The following STYX variants were observed in gnomAD, a reference collection of about 807,000 sequenced individuals.
STYX encodes serine/threonine/tyrosine interacting protein.
STYX carries 20 observed loss-of-function variants against 42.7 expected under a neutral mutation model. The observed-to-expected ratio is 0.47, with a 90% confidence interval of 0.33 to 0.68. The LOEUF is 0.68. Among genes scored for constraint, STYX ranks in the 30% least tolerant of loss-of-function variants. The pLI is 0.02. For missense variants in STYX, 226 were observed against 268.5 expected (o/e 0.84, Z 1.11); for synonymous variants, 78 against 81.9 (o/e 0.95, Z 0.26).
chr14:52,733,448 G>C (rs1210614358), intron 1 of STYX, among the ~76,000 whole-genome samples: 1 of 152,034 alleles, frequency 6.6e-6, no homozygotes, highest in Non-Finnish European at 1.5e-5. Flanking sequence ...TGTACCTGAA[G>C]TTAGTCAGAT....
chr14:52,757,378 A>T, intron 6 of STYX, 23 bp downstream of exon 6: 1 of 1,577,556 alleles, frequency 6.3e-7, no homozygotes, highest in Non-Finnish European at 8.7e-7. Flanking sequence ...TCCTTTCCTT[A>T]ACTAATGTTT....
At chr14:52,765,374 C>T (rs1231361339) in intron 9 of STYX, among the ~76,000 whole-genome samples, 2 of 152,156 alleles carry the variant, frequency 1.3e-5, no homozygotes, top group Non-Finnish European at 2.9e-5. Context: ...CATGCCACCA[C>T]ACCCAGCTAA....
At chr14:52,769,808 G>A (rs1882445803) in intron 10 of STYX, among the ~76,000 whole-genome samples, 1 of 151,874 alleles carries the variant, frequency 6.6e-6, no homozygotes, top group Admixed American at 6.6e-5. Context: ...TATTTGGTCT[G>A]TTCTGTACAT....
chr14:52,748,354 A>G (rs371005863), intron 3 of STYX, among the ~76,000 whole-genome samples: 1 of 152,186 alleles, frequency 6.6e-6, no homozygotes, highest in African/African-American at 2.4e-5. Flanking sequence ...TTAGTCTCCC[A>G]AGTAGCCAGG....
chr14:52,763,726 G>A (rs1882188710), intron 9 of STYX, among the ~76,000 whole-genome samples: 1 of 151,828 alleles, frequency 6.6e-6, no homozygotes, highest in Non-Finnish European at 1.5e-5. Context: ...TTTTCTTTGT[G>A]GTTTAATATG....
intron 9 of STYX, among the ~76,000 whole-genome samples, chr14:52,761,328 CAAAA>C (rs55985975): frequency 9.4e-6 from 1 of 106,642 alleles, no homozygotes. Flanking sequence ...AACTCCGTGT[CAAAA>C]AAAAAAAAAA....
intron 1 of STYX, among the ~76,000 whole-genome samples, chr14:52,738,987 G>A (rs535002742): frequency 5.1e-5 from 6 of 118,396 alleles, no homozygotes; most frequent in African/African-American, 2.0e-4. Context: ...TTTTTTTTTT[G>A]TATACACGTT....
chr14:52,736,558 C>G (rs1880959666), intron 1 of STYX, among the ~76,000 whole-genome samples: 1 of 152,190 alleles, frequency 6.6e-6, no homozygotes. Flanking sequence ...TAGCAACTTT[C>G]CATGTTTCCC....
Position 52,771,104 on chromosome 14 carries a change from T to C in STYX, c.670T>C (p.Ter224ArgextTer9), listed in dbSNP as rs1489231867. The C allele has an allele frequency of 2.5e-6, 4 of 1,608,842 alleles. No homozygotes were observed. In the East Asian group the frequency reaches 6.7e-5, roughly 27 times the overall value. ...GCAAGTGGCGACTGCACAGAATGGC[T>C]GACTTGAAGAGCAACATCATAGAGT... The part of the protein sequence containing the change: ...TMQVATAQNG[*>R] Residue 224 changes from the stop codon to arginine, a stop_lost, in exon 11 of 11, where the codon TGA becomes CGA. Transcript: ENST00000354586.
chr14:52,747,421 T>A (rs1881434181), intron 3 of STYX, among the ~76,000 whole-genome samples: 1 of 152,220 alleles, frequency 6.6e-6, no homozygotes, highest in Admixed American at 6.5e-5. Context: ...ATTTTGAAAC[T>A]GGAAGATTTT....
chr14:52,743,448 G>A (rs1176362719), intron 1 of STYX, among the ~76,000 whole-genome samples: 2 of 151,980 alleles, frequency 1.3e-5, no homozygotes, highest in African/African-American at 4.8e-5. Context: ...TGGCGTGGTG[G>A]TGGGTGCCTG....
At chr14:52,736,516 CAGAA>C (rs555327131) in intron 1 of STYX, among the ~76,000 whole-genome samples, 111 of 152,322 alleles carry the variant, frequency 7.3e-4, no homozygotes, top group Non-Finnish European at 9.3e-4. Context: ...TCTCTTCTGA[CAGAA>C]AGTGAAATAT....
rs939673282 is a variant in STYX at position 52,772,344 on chromosome 14, A to T, written c.*1238A>T. The T allele has an allele frequency of 6.6e-6, 1 of 152,220 alleles. No homozygotes were observed. Among genetic ancestry groups the T allele is most frequent in the Non-Finnish European group, 1.5e-5 (1 of 67,990 alleles). 9.4% of individuals were successfully genotyped at this position (152,220 alleles called of 1,614,324 possible). A position where few individuals can be genotyped will look rare whatever the true frequency, so the allele number is the denominator to read the frequency against. The stretch of plus-strand genomic sequence containing the variant: ...TAGTGTATTTTAAATTAGCATTTTA[A>T]TCCATTCTTGACATTCAGTTAGTCC... On this transcript the variant is annotated 3_prime_UTR_variant, in exon 11 of 11. Coordinates refer to ENST00000354586, the MANE Select transcript of STYX (RefSeq NM_145251.4).
chr14:52,769,398 CT>C (rs562329272), intron 10 of STYX, among the ~76,000 whole-genome samples: 156 of 152,114 alleles, frequency 1.0e-3, no homozygotes, highest in Non-Finnish European at 1.8e-3. Context: ...CTTTGTTTCT[CT>C]CCCAACAAAG....
rs763775499 is a variant in STYX at position 52,757,759 on chromosome 14, T to C, written c.357T>C (p.His119=). The C allele has an allele frequency of 1.2e-5, 19 of 1,613,432 alleles. No homozygotes were observed. Among genetic ancestry groups the C allele is most frequent in the African/African-American group, 2.7e-5 (2 of 74,922 alleles). The change falls in exon 7 of 11, where the codon CAT becomes CAC. Residue 119 remains histidine, a synonymous_variant. Transcript: ENST00000354586. ...GTTTTTCAGGAAAAGTTCTTGTGCA[T>C]GGAAATGCAGGGATCTCCAGAAGGT... ...SLQMGGKVLV[H]GNAGISRSAA...
Position 52,746,437 on chromosome 14 carries a change from T to C in STYX, c.102T>C (p.Pro34=), listed in dbSNP as rs139939150. 4.7e-5 allele frequency: 74 copies of C among 1,558,348 alleles called. No homozygotes were observed. The African/African-American group carries it at 6.3e-4, about 13-fold the overall frequency. The change falls in exon 3 of 11, where the codon CCT becomes CCC. Residue 34 remains proline, a synonymous_variant. Coordinates refer to ENST00000354586, the MANE Select transcript of STYX (RefSeq NM_145251.4). The part of the protein sequence containing the change: ...PMRREMQEIL[P]GLFLGPYSSA... ...TTTTTTTTTTCTAGGAAATTTTACC[T>C]GGATTGTTCTTAGGCCCATATTCAT...
At chr14:52,750,806 A>C (rs1248633959) in intron 4 of STYX, 26 bp downstream of exon 4, 1 of 1,430,952 alleles carries the variant, frequency 7.0e-7, no homozygotes, top group South Asian at 1.3e-5. Context: ...ATGATTTGTA[A>C]AACACTTAAT....
intron 8 of STYX, among the ~76,000 whole-genome samples, chr14:52,759,260 C>T (rs750955835): frequency 6.6e-6 from 1 of 152,164 alleles, no homozygotes; most frequent in African/African-American, 2.4e-5. Context: ...GAAGCTGGGA[C>T]TATACCACAT....
chr14:52,753,637 A>C (rs1161571147), intron 4 of STYX, among the ~76,000 whole-genome samples: 1 of 152,150 alleles, frequency 6.6e-6, no homozygotes, highest in South Asian at 2.1e-4. Context: ...ATATACATTA[A>C]ATCATCTCTA....
Sources: allele counts gnomAD v4.1 joint callset (sites outside exome capture counted in the v4.1 genomes callset), GRCh38; gene constraint gnomAD v4.1.1; transcripts MANE v1.5; gene names NCBI Gene and HGNC (gene_info 2026-07-23, HGNC 2026-07-21).